Variants in DAP observed in about 807,000 individuals in gnomAD.
The protein encoded by DAP is death-associated protein 1.
DAP carries 8 observed loss-of-function variants against 13.8 expected under a neutral mutation model. That is an observed-to-expected ratio of 0.58 (90% confidence interval 0.34 to 1.05). The LOEUF (loss-of-function observed/expected upper bound fraction) is 1.05, where lower values mean the gene tolerates loss of function less well. Ranked by LOEUF, DAP falls within the 50% of genes least tolerant of loss-of-function variation. The pLI is 0.03. For missense variants in DAP, 106 were observed against 133.2 expected (o/e 0.80, Z 1.01); for synonymous variants, 47 against 47.5 (o/e 0.99, Z 0.04).
chr5:10,711,564 A>G (rs1344148203), intron 2 of DAP, among the ~76,000 whole-genome samples: 1 of 152,160 alleles, frequency 6.6e-6, no homozygotes, highest in Non-Finnish European at 1.5e-5. Flanking sequence ...CTCTTACTCT[A>G]TCGGCATTAA....
chr5:10,701,324 G>C (rs1052369086), intron 2 of DAP, among the ~76,000 whole-genome samples: 1 of 152,214 alleles, frequency 6.6e-6, no homozygotes, highest in Non-Finnish European at 1.5e-5. Context: ...GTATCATGGA[G>C]AACGCAAGTC....
At chr5:10,691,617 A>C (rs1209651803) in intron 2 of DAP, among the ~76,000 whole-genome samples, 1 of 152,246 alleles carries the variant, frequency 6.6e-6, no homozygotes, top group East Asian at 1.9e-4. Flanking sequence ...TCATTCTGAC[A>C]GATGCTGTTT....
At chr5:10,751,473 G>A (rs1159984385) in intron 1 of DAP, among the ~76,000 whole-genome samples, 1 of 152,134 alleles carries the variant, frequency 6.6e-6, no homozygotes, top group African/African-American at 2.4e-5. Flanking sequence ...GAAGAGCTTA[G>A]AAGAACTGTC....
chr5:10,705,924 CT>C (rs1738686580), intron 2 of DAP, among the ~76,000 whole-genome samples: 1 of 152,188 alleles, frequency 6.6e-6, no homozygotes, highest in Non-Finnish European at 1.5e-5. Context: ...TTTACTGCCC[CT>C]GAATCATGTG....
intron 2 of DAP, among the ~76,000 whole-genome samples, chr5:10,730,172 C>G (rs950899522): frequency 7.2e-5 from 11 of 152,256 alleles, no homozygotes; most frequent in Non-Finnish European, 1.5e-4. Context: ...AGTGGCATGG[C>G]TGCCCTGTGA....
At chr5:10,710,573 G>A (rs1364471326) in intron 2 of DAP, among the ~76,000 whole-genome samples, 1 of 152,230 alleles carries the variant, frequency 6.6e-6, no homozygotes, top group African/African-American at 2.4e-5. Context: ...GGGATGATGG[G>A]TGTGCTCTGG....
intron 2 of DAP, among the ~76,000 whole-genome samples, chr5:10,696,312 G>A (rs1341338844): frequency 6.6e-6 from 1 of 152,178 alleles, no homozygotes; most frequent in Non-Finnish European, 1.5e-5. Flanking sequence ...ACCACTTCCT[G>A]AAAGTGAGCC....
At chr5:10,720,242 C>T (rs1177221756) in intron 2 of DAP, among the ~76,000 whole-genome samples, 1 of 152,176 alleles carries the variant, frequency 6.6e-6, no homozygotes, top group African/African-American at 2.4e-5. Context: ...TCAGGACTTC[C>T]TCAAGCCCAG....
At position 10,724,535 on chromosome 5, in the gene DAP, A is replaced by T. The variant is rs1739235923; in HGVS notation, c.152+23640T>A. The stretch of plus-strand genomic sequence containing the variant: ...CCCAGGAGCAATAGGCCAGCACCCC[A>T]GGGCCCATCAGCTTAGGGCTTTCCT... On this transcript the variant is annotated intron_variant, in intron 2 of 3. Transcript: ENST00000230895. Among the ~76,000 whole-genome samples, 5 of 152,226 alleles carry T rather than the reference A, an allele frequency of 3.3e-5. No homozygotes were observed. In the South Asian group the frequency reaches 1.0e-3, roughly 32 times the overall value.
chr5:10,760,235 C>A (rs535381237), intron 1 of DAP, among the ~76,000 whole-genome samples: 46 of 152,290 alleles, frequency 3.0e-4, no homozygotes, highest in African/African-American at 1.1e-3. Flanking sequence ...GGCCTTTGAT[C>A]TTCTCACCAG....
At chr5:10,739,219 A>G (rs1739693124) in intron 2 of DAP, among the ~76,000 whole-genome samples, 1 of 149,048 alleles carries the variant, frequency 6.7e-6, no homozygotes, top group South Asian at 2.1e-4. Flanking sequence ...AAAAAAAAAA[A>G]AAAAAAAGAA....
intron 2 of DAP, among the ~76,000 whole-genome samples, chr5:10,696,014 T>C (rs1284210955): frequency 2.0e-5 from 3 of 152,106 alleles, no homozygotes; most frequent in Non-Finnish European, 4.4e-5. Context: ...GGAGGGAACC[T>C]TCATTTTCCC....
In DAP at chr5:10,761,041, C is replaced by A. The variant is rs201354802; in HGVS notation, c.28G>T (p.Glu10Ter). The change falls in exon 1 of 4, where the codon GAG becomes TAG. Residue 10 changes from glutamate (E) to a stop codon, truncating the protein, a stop_gained. Coordinates refer to ENST00000230895, the MANE Select transcript of DAP (RefSeq NM_004394.3). LOFTEE classifies it high-confidence loss of function. ...GCGGGCGGGTGTCCAGCTTTAGTCTCTAGTTTCCCTTCGGGAGGCGAAGAC... is the reference window on the plus strand; with the variant it reads ...GCGGGCGGGTGTCCAGCTTTAGTCTATAGTTTCCCTTCGGGAGGCGAAGAC... Reference protein sequence around the residue: MSSPPEGKLETKAGHPPAVK... With the variant: MSSPPEGKL 2.1e-3 allele frequency: 2,601 copies of A among 1,215,326 alleles called. 5 individuals are homozygous for A. The highest frequency in any genetic ancestry group is 2.5e-3 in the Non-Finnish European group (2,456 of 965,598). The allele number at this position is 1,215,326 out of a possible 1,614,324, so 75.3% of individuals were successfully genotyped here.
intron 2 of DAP, among the ~76,000 whole-genome samples, chr5:10,708,957 G>A (rs1275271380): frequency 1.3e-5 from 2 of 152,216 alleles, no homozygotes; most frequent in African/African-American, 4.8e-5. Flanking sequence ...ACATAAACAA[G>A]ATAGTAGAAA....
At chr5:10,687,079 C>A (rs892408618) in intron 2 of DAP, among the ~76,000 whole-genome samples, 1 of 152,170 alleles carries the variant, frequency 6.6e-6, no homozygotes, top group Non-Finnish European at 1.5e-5. Flanking sequence ...GATGACAGAG[C>A]CTGGATGACG....
At chr5:10,739,846 G>C (rs1197495606) in intron 2 of DAP, among the ~76,000 whole-genome samples, 1 of 151,544 alleles carries the variant, frequency 6.6e-6, no homozygotes, top group Non-Finnish European at 1.5e-5. Context: ...GAAAAGGCAT[G>C]CTGTTTTCTG....
intron 2 of DAP, among the ~76,000 whole-genome samples, chr5:10,738,520 A>C (rs1356291526): frequency 6.6e-6 from 1 of 152,246 alleles, no homozygotes; most frequent in Non-Finnish European, 1.5e-5. Flanking sequence ...GCAGGACCTG[A>C]ATCCAATCAT....
intron 2 of DAP, 57 bp downstream of exon 2, chr5:10,748,118 G>T: frequency 8.3e-7 from 1 of 1,208,146 alleles, no homozygotes; most frequent in Non-Finnish European, 1.2e-6. Flanking sequence ...AAATGTTAAT[G>T]CTTAACCGAA....
chr5:10,694,579 C>T (rs867316834), intron 2 of DAP, among the ~76,000 whole-genome samples: 14 of 152,128 alleles, frequency 9.2e-5, no homozygotes, highest in African/African-American at 3.4e-4. Context: ...CAAATCAAAC[C>T]CTCTGTCAGT....
Sources: gnomAD v4.1 joint callset for allele counts (sites outside exome capture counted in the v4.1 genomes callset) on GRCh38, gnomAD v4.1.1 for gene constraint, MANE v1.5 for transcripts, NCBI Gene and HGNC (gene_info 2026-07-23, HGNC 2026-07-21) for gene names.